Variants in NPLOC4 observed in about 807,000 individuals in gnomAD.
The protein encoded by NPLOC4 is nuclear protein localization protein 4 homolog.
Under a neutral mutation model 80.6 loss-of-function variants are expected in NPLOC4, and 18 were observed. The observed-to-expected ratio is 0.22, with a 90% CI of 0.15 to 0.33. The LOEUF (loss-of-function observed/expected upper bound fraction) is 0.33, where lower values mean the gene tolerates loss of function less well. Ranked by LOEUF, NPLOC4 falls within the 10% of genes least tolerant of loss-of-function variation. The probability of loss-of-function intolerance (pLI) is 1.00; values close to 1 mark genes in which losing one functional copy is unlikely to be tolerated. For missense variants in NPLOC4, 540 were observed against 786.1 expected, an observed-to-expected ratio of 0.69 and a Z score of 3.74; for synonymous variants, 313 against 301.5, an observed-to-expected ratio of 1.04 and a Z score of -0.39.
Position 81,622,587 on chromosome 17 carries a change from G to A in NPLOC4, c.97-309C>T, listed in dbSNP as rs116341617. 1.8e-3 allele frequency among the ~76,000 whole-genome samples: 269 copies of A among 152,294 alleles called. 2 individuals are homozygous for A. Among genetic ancestry groups the A allele is most frequent in the African/African-American group, 6.2e-3 (259 of 41,568 alleles). On this transcript the variant is annotated intron_variant, in intron 2 of 16. Transcript: ENST00000331134. ...TTTTGTTTTCAGACAGTCTCGTTCT[G>A]TAGCCCAAGCTGGAGTACAGTGGCA...
intron 2 of NPLOC4, among the ~76,000 whole-genome samples, chr17:81,625,087 T>C (rs1217150293): frequency 6.6e-6 from 1 of 152,002 alleles, no homozygotes; most frequent in Non-Finnish European, 1.5e-5. Flanking sequence ...ATGGTGGGGA[T>C]GAAGGCAAGA....
rs553577408 is a variant in NPLOC4, at chr17:81,599,735, A to G, written c.921+606T>C. On this transcript the variant is annotated intron_variant, in intron 9 of 16. Transcript: ENST00000331134. ...AAAATTGTTCCTGGGAACTGTATCA[A>G]TGTCAGATAAACCAGATCAATAGAA... 4.5e-4 allele frequency among the ~76,000 whole-genome samples: 68 copies of G among 152,374 alleles called. No individual in the cohort carries two copies. In the South Asian group the frequency reaches 0.013, roughly 29 times the overall value.
intron 12 of NPLOC4, among the ~76,000 whole-genome samples, chr17:81,583,389 A>G (rs2034494172): frequency 6.6e-6 from 1 of 152,262 alleles, no homozygotes; most frequent in African/African-American, 2.4e-5. Context: ...TTTGAAGTTA[A>G]AAGAATAGAA....
chr17:81,623,516 C>T (rs79100643), intron 2 of NPLOC4, among the ~76,000 whole-genome samples: 10,291 of 148,266 alleles, frequency 0.069, 567 homozygotes, highest in East Asian at 0.22. Context: ...ATAAAAAACC[C>T]GGCCGGGCGC....
intron 2 of NPLOC4, among the ~76,000 whole-genome samples, chr17:81,623,246 T>C (rs924397601): frequency 6.7e-6 from 1 of 149,982 alleles, no homozygotes; most frequent in African/African-American, 2.5e-5. Context: ...CCAAAGCAGG[T>C]GGATCACGAG....
intron 3 of NPLOC4, chr17:81,614,296 A>AAAAAAAAAAAAAG (rs2035422282): frequency 6.6e-6 from 1 of 150,676 alleles, no homozygotes; most frequent in Admixed American, 6.6e-5. Context: ...AAAAAAAAAA[A>AAAAAAAAAAAAAG]GTGGGATTAC....
chr17:81,619,290 T>C (rs2035598114), intron 3 of NPLOC4, among the ~76,000 whole-genome samples: 1 of 151,054 alleles, frequency 6.6e-6, no homozygotes, highest in African/African-American at 2.4e-5. Context: ...GGCAGGAGAA[T>C]GGCATGAACC....
intron 11 of NPLOC4, among the ~76,000 whole-genome samples, chr17:81,594,856 G>A (rs995776035): frequency 1.1e-4 from 16 of 151,946 alleles, no homozygotes; most frequent in African/African-American, 3.4e-4. Context: ...TGTTGGGGTC[G>A]GATCACATGA....
chr17:81,587,723 G>C (rs1157406304), intron 12 of NPLOC4, among the ~76,000 whole-genome samples: 2 of 140,008 alleles, frequency 1.4e-5, no homozygotes, highest in Non-Finnish European at 3.1e-5. Context: ...CCCCAGGCTG[G>C]AGTGCAGTGG....
chr17:81,586,748 A>G (rs2034590966), intron 12 of NPLOC4, among the ~76,000 whole-genome samples: 1 of 152,238 alleles, frequency 6.6e-6, no homozygotes, highest in South Asian at 2.1e-4. Context: ...TGAGACAAAG[A>G]TTTAAGGAAG....
At chr17:81,603,552 C>T (rs2035122050) in intron 8 of NPLOC4, among the ~76,000 whole-genome samples, 2 of 152,132 alleles carry the variant, frequency 1.3e-5, no homozygotes, top group Admixed American at 1.3e-4. Context: ...GCTATGACTG[C>T]ACAACTGCAC....
rs35473939 is a variant in NPLOC4, at chr17:81,585,170, CAAAAAAAAAAA to C, written c.1281+3763_1281+3773del. Among the ~76,000 whole-genome samples the C allele has an allele frequency of 4.8e-3, 197 of 40,874 alleles. 1 individual carries two copies. The highest frequency in any genetic ancestry group is 0.024 in the African/African-American group (185 of 7,626). The allele number at this position is 40,874 out of a possible 152,430, so 26.8% of individuals were successfully genotyped here. On this transcript the variant is annotated intron_variant, in intron 12 of 16. Coordinates refer to ENST00000331134, the MANE Select transcript of NPLOC4 (RefSeq NM_017921.4). Reference sequence around the variant, plus strand: ...GGGCGACAGAACGAGACTCTGTCGCCAAAAAAAAAAAAAAAAAAAAAAAAAGAGTATGGTAT... The same window carrying C: ...GGGCGACAGAACGAGACTCTGTCGCCAAAAAAAAAAAAAAGAGTATGGTAT...
intron 11 of NPLOC4, among the ~76,000 whole-genome samples, chr17:81,590,244 A>C (rs1171699695): frequency 2.0e-5 from 3 of 152,106 alleles, no homozygotes; most frequent in Non-Finnish European, 4.4e-5. Flanking sequence ...CACCCTCCAC[A>C]CTGCCCACCC....
At chr17:81,629,887 T>C (rs1310720789) in intron 1 of NPLOC4, 82 bp from the exon 2 acceptor site, 3 of 1,024,438 alleles carry the variant, frequency 2.9e-6, no homozygotes, top group Admixed American at 1.9e-5. Flanking sequence ...TGTGGTCTTT[T>C]AGCATCTGGG....
intron 16 of NPLOC4, chr17:81,563,988 G>A (rs1460380611): frequency 2.2e-6 from 1 of 450,706 alleles, no homozygotes; most frequent in African/African-American, 2.0e-5. Flanking sequence ...GGCTGAGGGA[G>A]GGGAATTGCT....
At chr17:81,594,133 G>C (rs1294432491) in intron 11 of NPLOC4, among the ~76,000 whole-genome samples, 1 of 151,638 alleles carries the variant, frequency 6.6e-6, no homozygotes, top group African/African-American at 2.4e-5. Flanking sequence ...AAATTAGCCG[G>C]GCATGGTAGC....
At chr17:81,560,039 G>C (rs944275788) in intron 16 of NPLOC4, among the ~76,000 whole-genome samples, 1 of 151,656 alleles carries the variant, frequency 6.6e-6, no homozygotes, top group Non-Finnish European at 1.5e-5. Flanking sequence ...CCAGCCTCCA[G>C]TTTTGAGCTA....
At position 81,574,022 on chromosome 17, in the gene NPLOC4, G is replaced by A. The variant is rs914380109; in HGVS notation, c.1282-1934C>T. 2.6e-5 allele frequency among the ~76,000 whole-genome samples: 4 copies of A among 152,208 alleles called. No homozygotes were observed. The South Asian group carries it at 8.3e-4, about 32-fold the overall frequency. ...GCTAAAGACACAGGGCCTACTGCAC[G>A]GGGTCCTGGGGCCCCAAAAGAGGTG... On this transcript the variant is annotated intron_variant, in intron 12 of 16. Coordinates refer to ENST00000331134, the MANE Select transcript of NPLOC4 (RefSeq NM_017921.4).
rs1598652767 is a variant in NPLOC4 at position 81,600,435 on chromosome 17, G to C, written c.835-8C>G. Reference sequence around the variant, plus strand: ...GCTGTTCTGTGTACCAATCTGCAGGGAATCAAAGGGAGAAGATGGACTTAG... The same window carrying C: ...GCTGTTCTGTGTACCAATCTGCAGGCAATCAAAGGGAGAAGATGGACTTAG... On this transcript the variant is annotated splice_region_variant and splice_polypyrimidine_tract_variant and intron_variant, in intron 8 of 16. Coordinates refer to ENST00000331134, the MANE Select transcript of NPLOC4 (RefSeq NM_017921.4). 7.5e-6 allele frequency: 12 copies of C among 1,606,748 alleles called. No homozygotes were observed. The highest frequency in any genetic ancestry group is 1.0e-5 in the Non-Finnish European group (12 of 1,175,498).
Sources: gnomAD v4.1 joint callset for allele counts (sites outside exome capture counted in the v4.1 genomes callset) on GRCh38, gnomAD v4.1.1 for gene constraint, MANE v1.5 for transcripts, NCBI Gene and HGNC (gene_info 2026-07-23, HGNC 2026-07-21) for gene names.